FBXW11: variants seen among roughly 807,000 people sequenced by gnomAD.
The protein encoded by FBXW11 is F-box/WD repeat-containing protein 11.
A neutral mutation model predicts 77.6 loss-of-function variants in FBXW11; 19 were observed. The observed-to-expected ratio is 0.24, with a 90% CI of 0.17 to 0.36. FBXW11 has a LOEUF of 0.36. Ranked by LOEUF, FBXW11 falls within the 10% of genes least tolerant of loss-of-function variation. The probability of loss-of-function intolerance (pLI) is 1.00; values close to 1 mark genes in which losing one functional copy is unlikely to be tolerated. For missense variants in FBXW11, 334 were observed against 704.2 expected (o/e 0.47, Z 5.95); for synonymous variants, 235 against 249.4 (o/e 0.94, Z 0.54).
At chr5:171,877,242 T>G (rs1039066350) in intron 8 of FBXW11, among the ~76,000 whole-genome samples, 1 of 152,062 alleles carries the variant, frequency 6.6e-6, no homozygotes, top group Admixed American at 6.6e-5. Context: ...CTCTAGATAG[T>G]AGATTTTGTA....
intron 1 of FBXW11, among the ~76,000 whole-genome samples, chr5:172,002,012 A>G (rs1214482589): frequency 6.6e-6 from 1 of 152,238 alleles, no homozygotes; most frequent in Non-Finnish European, 1.5e-5. Context: ...GGGAGAATGG[A>G]ATACAAAGGA....
chr5:171,891,990 T>G lies in FBXW11; in HGVS notation c.715-386A>C, dbSNP rs376664579. Among the ~76,000 whole-genome samples the G allele has an allele frequency of 1.4e-4, 22 of 152,320 alleles. No individual in the cohort carries two copies. The East Asian group carries it at 3.7e-3, about 25-fold the overall frequency. On this transcript the variant is annotated intron_variant, in intron 6 of 13. Coordinates refer to ENST00000517395, the MANE Select transcript of FBXW11 (RefSeq NM_001378974.1). ...ATTAAGCATATATTGACAATCTACA[T>G]ATCCAAACAAAGAATTGTCTTGATC...
At chr5:171,994,835 T>C (rs1765941630) in intron 1 of FBXW11, among the ~76,000 whole-genome samples, 1 of 152,062 alleles carries the variant, frequency 6.6e-6, no homozygotes, top group Non-Finnish European at 1.5e-5. Flanking sequence ...GCCCGGAGTT[T>C]GAGACCAGCC....
intron 2 of FBXW11, among the ~76,000 whole-genome samples, chr5:171,957,276 A>G (rs1763662852): frequency 6.6e-6 from 1 of 152,240 alleles, no homozygotes; most frequent in South Asian, 2.1e-4. Flanking sequence ...TGTTAAAGGT[A>G]GCCAAATGGA....
intron 1 of FBXW11, among the ~76,000 whole-genome samples, chr5:171,964,266 A>G (rs1764066162): frequency 6.6e-6 from 1 of 152,260 alleles, no homozygotes; most frequent in Admixed American, 6.5e-5. Flanking sequence ...CTACTGATAG[A>G]ATATCAAACA....
At chr5:171,973,757 T>C (rs1370391230) in intron 1 of FBXW11, among the ~76,000 whole-genome samples, 1 of 151,706 alleles carries the variant, frequency 6.6e-6, no homozygotes, top group Non-Finnish European at 1.5e-5. Context: ...AACTGGGGAG[T>C]GTTGGGGAGG....
chr5:171,975,262 AAAG>A (rs1455559540), intron 1 of FBXW11, among the ~76,000 whole-genome samples: 1 of 152,238 alleles, frequency 6.6e-6, no homozygotes, highest in Non-Finnish European at 1.5e-5. Flanking sequence ...TGCCACTAGA[AAAG>A]AATGGAGCTG....
chr5:171,889,108 T>G (rs919407124), intron 7 of FBXW11, among the ~76,000 whole-genome samples: 5 of 152,222 alleles, frequency 3.3e-5, no homozygotes, highest in African/African-American at 1.2e-4. Flanking sequence ...GGCTGAAGAC[T>G]TCTGAAATGT....
intron 2 of FBXW11, among the ~76,000 whole-genome samples, chr5:171,923,912 T>G (rs1268008141): frequency 3.8e-4 from 1 of 2,664 alleles, no homozygotes; most frequent in Non-Finnish European, 1.6e-3. Flanking sequence ...ACCCCACCTT[T>G]TTTTTTTTTT....
chr5:171,980,560 G>A (rs565657103), intron 1 of FBXW11, among the ~76,000 whole-genome samples: 6 of 152,190 alleles, frequency 3.9e-5, no homozygotes, highest in Admixed American at 2.0e-4. Context: ...CAAAAAAGGC[G>A]TATCTCTAAA....
chr5:171,907,875 G>C (rs184388301), intron 4 of FBXW11, among the ~76,000 whole-genome samples: 117 of 152,332 alleles, frequency 7.7e-4, no homozygotes, highest in African/African-American at 2.7e-3. Flanking sequence ...GGTTGCCTCT[G>C]AACTATACTC....
At chr5:171,993,029 C>T (rs1256031403) in intron 1 of FBXW11, among the ~76,000 whole-genome samples, 2 of 151,732 alleles carry the variant, frequency 1.3e-5, no homozygotes, top group African/African-American at 4.8e-5. Flanking sequence ...GCTGAATGTA[C>T]TAATCTGTCT....
At chr5:171,898,306 A>C (rs1759885444) in intron 6 of FBXW11, among the ~76,000 whole-genome samples, 1 of 152,224 alleles carries the variant, frequency 6.6e-6, no homozygotes. Context: ...TTTTCTGCCA[A>C]GGAGGAAACA....
At chr5:171,879,808 TG>T (rs1758382685) in intron 7 of FBXW11, among the ~76,000 whole-genome samples, 1 of 152,258 alleles carries the variant, frequency 6.6e-6, no homozygotes, top group Admixed American at 6.5e-5. Context: ...TTAAGCTAAT[TG>T]TTTTTTTTCT....
At chr5:171,957,298 GT>G (rs993565718) in intron 2 of FBXW11, among the ~76,000 whole-genome samples, 5 of 151,914 alleles carry the variant, frequency 3.3e-5, no homozygotes, top group East Asian at 1.9e-4. Flanking sequence ...AATGTCAGGA[GT>G]TTTTTTTGGC....
chr5:172,004,295 T>G (rs1338122098), intron 1 of FBXW11, among the ~76,000 whole-genome samples: 3 of 152,202 alleles, frequency 2.0e-5, no homozygotes, highest in Admixed American at 2.0e-4. Context: ...TCAGGAAATA[T>G]CAAAATCCTT....
At chr5:171,938,726 T>C (rs1762600915) in intron 2 of FBXW11, among the ~76,000 whole-genome samples, 1 of 152,216 alleles carries the variant, frequency 6.6e-6, no homozygotes, top group Non-Finnish European at 1.5e-5. Context: ...TCATTGTTTG[T>C]AATTTCAAAA....
At chr5:171,913,830 C>CACAT (rs1761048377) in intron 3 of FBXW11, among the ~76,000 whole-genome samples, 2 of 123,410 alleles carry the variant, frequency 1.6e-5, no homozygotes, top group Admixed American at 8.4e-5. Flanking sequence ...CACACACACA[C>CACAT]ACACACACAC....
chr5:171,994,950 A>G (rs1765949842), intron 1 of FBXW11, among the ~76,000 whole-genome samples: 1 of 152,226 alleles, frequency 6.6e-6, no homozygotes, highest in Non-Finnish European at 1.5e-5. Context: ...AGATACCAGA[A>G]TCACTTGAAC....
Sources: allele counts gnomAD v4.1 joint callset (sites outside exome capture counted in the v4.1 genomes callset), GRCh38; gene constraint gnomAD v4.1.1; transcripts MANE v1.5; gene names NCBI Gene and HGNC (gene_info 2026-07-23, HGNC 2026-07-21).